Variants in ABCG2 observed in about 807,000 individuals in gnomAD.
ABCG2 encodes ATP binding cassette subfamily G member 2 (JR blood group).
Under a neutral mutation model 73.5 loss-of-function variants are expected in ABCG2, and 80 were observed. That is an observed-to-expected ratio of 1.09 (90% CI 0.91 to 1.31). ABCG2 has a LOEUF of 1.31. Among genes scored for constraint, ABCG2 ranks in the 50% most tolerant of loss-of-function variants. The pLI is 0.00. For synonymous variants in ABCG2, 269 were observed against 282.4 expected (o/e 0.95, Z 0.48); for missense variants, 796 against 786.2 (o/e 1.01, Z -0.15).
chr4:88,169,909 G>A (rs931377639), intron 1 of ABCG2, among the ~76,000 whole-genome samples: 11 of 151,792 alleles, frequency 7.2e-5, no homozygotes, highest in Non-Finnish European at 1.5e-4. Flanking sequence ...TCAGGAGTTC[G>A]AGACCAGCCT....
At chr4:88,171,424 T>C (rs1727753268) in intron 1 of ABCG2, among the ~76,000 whole-genome samples, 1 of 113,978 alleles carries the variant, frequency 8.8e-6, no homozygotes, top group East Asian at 2.2e-4. Flanking sequence ...AAAGAAACAT[T>C]GTAAATGAAG....
chr4:88,120,523 T>A (rs1332743906), intron 6 of ABCG2, among the ~76,000 whole-genome samples: 2 of 152,164 alleles, frequency 1.3e-5, no homozygotes, highest in Non-Finnish European at 2.9e-5. Context: ...CTTGCATCAG[T>A]GTGACTTGGA....
chr4:88,153,731 A>C (rs968715694), intron 1 of ABCG2, among the ~76,000 whole-genome samples: 1 of 151,996 alleles, frequency 6.6e-6, no homozygotes, highest in Non-Finnish European at 1.5e-5. Flanking sequence ...GCCTCTACCT[A>C]TCCAGTGAAA....
At chr4:88,132,542 C>G (rs376937299) in intron 3 of ABCG2, 34 bp downstream of exon 3, 2 of 1,611,784 alleles carry the variant, frequency 1.2e-6, no homozygotes, top group African/African-American at 2.7e-5. Flanking sequence ...TAAAAGTGCA[C>G]AGAAAACGCT....
At position 88,113,504 on chromosome 4, in the gene ABCG2, T is replaced by G; in HGVS notation, c.993A>C (p.Lys331Asn). The G allele has an allele frequency of 1.2e-6, 2 of 1,614,160 alleles. No individual in the cohort carries two copies. Among genetic ancestry groups the G allele is most frequent in the Non-Finnish European group, 1.7e-6 (2 of 1,180,042 alleles). The change falls in exon 9 of 16, where the codon AAA (lysine) becomes AAC (asparagine). Residue 331 changes from lysine to asparagine, a missense_variant. Coordinates refer to ENST00000237612, the MANE Select transcript of ABCG2 (RefSeq NM_004827.3). The part of the protein sequence containing the change: ...PSKQDKPLIE[K>N]LAEIYVNSSF... ...AGGAGTTGACATAAATCTCCGCTAA[T>G]TTTTCTATGAGTGGCTTATCCTGCT...
chr4:88,157,930 A>T (rs1045656604), intron 1 of ABCG2, among the ~76,000 whole-genome samples: 36 of 152,314 alleles, frequency 2.4e-4, no homozygotes, highest in African/African-American at 8.4e-4. Flanking sequence ...TTCTTTAGCA[A>T]ACCATCCAAA....
intron 1 of ABCG2, among the ~76,000 whole-genome samples, chr4:88,146,473 C>A (rs1264360226): frequency 6.6e-6 from 1 of 151,466 alleles, no homozygotes. Context: ...TGGCTCACTG[C>A]AAGCTCTGCC....
At chr4:88,172,002 TA>T (rs1727775538) in intron 1 of ABCG2, among the ~76,000 whole-genome samples, 2 of 148,940 alleles carry the variant, frequency 1.3e-5, no homozygotes, top group African/African-American at 5.0e-5. Context: ...ATCTCTAAAA[TA>T]AAATAAATAA....
rs373425335 is a variant in ABCG2, at chr4:88,120,314, C to T, written c.689+1321G>A. The stretch of plus-strand genomic sequence containing the variant: ...TGGGAGCCCCTACACAGGGCCCCCA[C>T]TGAGGCACTGCTTAGTGCAGTAGTG... On this transcript the variant is annotated intron_variant, in intron 6 of 15. Transcript: ENST00000237612. Among the ~76,000 whole-genome samples, 63 of 152,316 alleles carry T rather than the reference C, an allele frequency of 4.1e-4. 2 individuals are homozygous for T. In the South Asian group the frequency reaches 0.012, roughly 29 times the overall value.
At chr4:88,172,624 T>C (rs1474524944) in intron 1 of ABCG2, among the ~76,000 whole-genome samples, 1 of 151,620 alleles carries the variant, frequency 6.6e-6, no homozygotes, top group East Asian at 1.9e-4. Flanking sequence ...AATAAGTAAA[T>C]AAAGTATAGA....
In ABCG2 at chr4:88,125,785, T is replaced by C. The variant is rs942127905; in HGVS notation, c.532-3993A>G. Reference sequence around the variant, plus strand: ...TCTCTGGGACATAACTAAAGCAGTGTTTAGAGGGAAATTTATAGCACTAAA... The same window carrying C: ...TCTCTGGGACATAACTAAAGCAGTGCTTAGAGGGAAATTTATAGCACTAAA... On this transcript the variant is annotated intron_variant, in intron 5 of 15. Transcript: ENST00000237612. Among the ~76,000 whole-genome samples the C allele has an allele frequency of 2.6e-5, 4 of 151,968 alleles. No homozygotes were observed. In the South Asian group the frequency reaches 6.2e-4, roughly 24 times the overall value.
chr4:88,147,039 A>AAGAAAGAAAGAAAGAAAGAAAGAAAG (rs1726087547), intron 1 of ABCG2, among the ~76,000 whole-genome samples: 1 of 151,614 alleles, frequency 6.6e-6, no homozygotes, highest in African/African-American at 2.4e-5. Flanking sequence ...GAAAGAAAGA[A>AAGAAAGAAAGAAAGAAAGAAAGAAAG]AGAAAGAAAA....
At chr4:88,095,657 G>T (rs1371640455) in intron 13 of ABCG2, 48 bp from the exon 14 acceptor site, 2 of 1,474,210 alleles carry the variant, frequency 1.4e-6, no homozygotes, top group South Asian at 2.3e-5. Flanking sequence ...GTAATTTCAT[G>T]CAGAATTCTA....
chr4:88,201,802 C>T (rs1045782239), intron 1 of ABCG2: 1 of 152,096 alleles, frequency 6.6e-6, no homozygotes, highest in Non-Finnish European at 1.5e-5. Context: ...TGAAGTGTTC[C>T]CTATTTAATA....
intron 1 of ABCG2, among the ~76,000 whole-genome samples, chr4:88,141,330 G>C (rs1725627450): frequency 1.3e-5 from 2 of 152,104 alleles, no homozygotes; most frequent in African/African-American, 4.8e-5. Flanking sequence ...TCTTAAGGTG[G>C]GTATTTGCAC....
chr4:88,215,293 A>G (rs1578284887), intron 1 of ABCG2, among the ~76,000 whole-genome samples: 2 of 152,302 alleles, frequency 1.3e-5, no homozygotes, highest in Admixed American at 1.3e-4. Flanking sequence ...TGGTCCTAAC[A>G]GTCTGAAAAA....
At position 88,118,109 on chromosome 4, in the gene ABCG2, C is replaced by T. The variant is rs1339695037; in HGVS notation, c.841G>A (p.Gly281Ser). Residue 281 changes from glycine to serine, a missense_variant and splice_region_variant, in exon 7 of 16, where the codon GGT becomes AGT. Physicochemically the swap from Gly to Ser is moderately conservative, Grantham distance 56 (BLOSUM62 0). Transcript: ENST00000237612. ...QEALGYFESA[G>S]YHCEAYNNPA... ...TACAGCATAAAAAAGTCAACCATAC[C>T]AGCTGATTCAAAGTATCCCAAGGCC... is the stretch of plus-strand genomic sequence containing the variant. 1.6e-5 allele frequency: 26 copies of T among 1,611,520 alleles called. No homozygotes were observed. Among genetic ancestry groups the T allele is most frequent in the Non-Finnish European group, 2.2e-5 (26 of 1,179,246 alleles).
chr4:88,108,172 T>C (rs1236795303), intron 9 of ABCG2, among the ~76,000 whole-genome samples: 2 of 152,238 alleles, frequency 1.3e-5, no homozygotes, highest in African/African-American at 2.4e-5. Flanking sequence ...GGTTACGTTA[T>C]GATATAATTT....
chr4:88,164,712 A>T (rs890349434), intron 1 of ABCG2, among the ~76,000 whole-genome samples: 11 of 152,188 alleles, frequency 7.2e-5, no homozygotes, highest in Non-Finnish European at 1.3e-4. Flanking sequence ...GAAACTTTTT[A>T]AAAAATTGTA....
Sources: allele counts gnomAD v4.1 joint callset (sites outside exome capture counted in the v4.1 genomes callset), GRCh38; gene constraint gnomAD v4.1.1; transcripts MANE v1.5; gene names NCBI Gene and HGNC (gene_info 2026-07-23, HGNC 2026-07-21).